Variants in BET1 observed in about 807,000 individuals in gnomAD.
BET1 encodes the protein Bet1 golgi vesicular membrane trafficking protein, also known as BET1 homolog.
In BET1, 9 loss-of-function variants were observed where a neutral mutation model predicts 13.9. That is an observed-to-expected ratio of 0.65 (90% CI 0.39 to 1.13). BET1 has a LOEUF of 1.13. Ranked by LOEUF, BET1 falls within the 50% of genes most tolerant of loss-of-function variation. BET1 has a pLI of 0.01. For missense variants in BET1, 127 were observed against 133.6 expected (o/e 0.95, Z 0.24); for synonymous variants, 39 against 47.3 (o/e 0.82, Z 0.72).
At chr7:93,977,178 G>A (rs1246362828) in intron 4 of BET1, among the ~76,000 whole-genome samples, 2 of 152,072 alleles carry the variant, frequency 1.3e-5, no homozygotes, top group Non-Finnish European at 2.9e-5. Context: ...GATGTTGGAG[G>A]GGCTGGGTAC....
intron 4 of BET1, among the ~76,000 whole-genome samples, chr7:93,980,952 T>C (rs1795417901): frequency 1.3e-5 from 2 of 152,210 alleles, no homozygotes; most frequent in African/African-American, 4.8e-5. Flanking sequence ...TCAAGTGTAA[T>C]TGGGAAAGTC....
intron 4 of BET1, among the ~76,000 whole-genome samples, chr7:93,981,647 G>A (rs1795431771): frequency 6.6e-6 from 1 of 152,164 alleles, no homozygotes; most frequent in Non-Finnish European, 1.5e-5. Context: ...GGCAATTCCT[G>A]GAATTCAAGT....
intron 4 of BET1, among the ~76,000 whole-genome samples, chr7:93,985,702 A>C (rs1388247683): frequency 3.9e-5 from 6 of 152,216 alleles, no homozygotes; most frequent in Non-Finnish European, 5.9e-5. Context: ...TCATATACTT[A>C]ATATAAATGT....
chr7:93,989,294 G>C (rs1045769303), downstream of BET1, among the ~76,000 whole-genome samples: 1 of 151,970 alleles, frequency 6.6e-6, no homozygotes, highest in Admixed American at 6.6e-5. Flanking sequence ...GATTACAGGC[G>C]TAAGCCACCG....
At chr7:93,992,692 T>G, downstream of BET1, 2 of 984,424 alleles carry the variant, frequency 2.0e-6, no homozygotes, top group South Asian at 4.7e-5. Context: ...TGAGAATTTC[T>G]GTTAATGGTA....
At chr7:93,991,687 A>AGTCATAGT (rs1427820642), downstream of BET1, 1 of 647,660 alleles carries the variant, frequency 1.5e-6, no homozygotes, top group East Asian at 1.4e-4. Flanking sequence ...ATCAGCCCAA[A>AGTCATAGT]GTCATAGTGT....
downstream of BET1, chr7:93,992,934 G>C (rs182017143): frequency 6.4e-5 from 63 of 985,324 alleles, no homozygotes; most frequent in African/African-American, 1.0e-3. Context: ...ACTCAGTTCC[G>C]GTGGTTTTAA....
intron 3 of BET1, 200 bp downstream of exon 3, chr7:93,996,065 C>T (rs1795763576): frequency 3.7e-6 from 2 of 535,780 alleles, no homozygotes; most frequent in East Asian, 3.3e-5. Context: ...ACTTGTTCCT[C>T]CCACTTACAT....
intron 1 of BET1, 132 bp downstream of exon 1, chr7:94,004,066 C>G: frequency 4.6e-6 from 6 of 1,318,532 alleles, no homozygotes; most frequent in Non-Finnish European, 6.5e-6. Flanking sequence ...CGACATGGAC[C>G]CCAAAGATCC....
At chr7:93,984,516 A>C (rs552956466) in intron 4 of BET1, among the ~76,000 whole-genome samples, 6 of 152,146 alleles carry the variant, frequency 3.9e-5, no homozygotes, top group South Asian at 2.1e-4. Context: ...CTTCTACTGA[A>C]GAAGGCCACT....
Position 93,994,142 on chromosome 7 carries a change from C to A in BET1, c.*88G>T. On this transcript the variant is annotated 3_prime_UTR_variant, in exon 4 of 4. Transcript: ENST00000222547. Reference sequence around the variant, plus strand: ...AATGGAAAATGCCACAGTATTTGAACACTAGGAATGTTTTGATGCTGATTT... The same window carrying A: ...AATGGAAAATGCCACAGTATTTGAAAACTAGGAATGTTTTGATGCTGATTT... 1 of 1,498,738 alleles carries A rather than the reference C, an allele frequency of 6.7e-7. No homozygotes were observed. The highest frequency in any genetic ancestry group is 8.9e-7 in the Non-Finnish European group (1 of 1,129,718). 92.8% of individuals were successfully genotyped at this position (1,498,738 alleles called of 1,614,324 possible).
rs577373590 is a variant in BET1, at chr7:94,003,347, A to AT, written c.19+850dup. 2.1e-3 allele frequency among the ~76,000 whole-genome samples: 313 copies of AT among 149,074 alleles called. 1 individual carries two copies. Among genetic ancestry groups the AT allele is most frequent in the South Asian group, 0.014 (67 of 4,704 alleles). On this transcript the variant is annotated intron_variant, in intron 1 of 3. Coordinates refer to ENST00000222547, the MANE Select transcript of BET1 (RefSeq NM_005868.6). The stretch of plus-strand genomic sequence containing the variant: ...ACTTTAAATATCTGACACTTTGGGG[A>AT]TTTTTTTTTTCTTTTTTCAATCTTA...
intron 4 of BET1, among the ~76,000 whole-genome samples, chr7:93,984,799 A>G (rs1795495076): frequency 6.6e-6 from 1 of 152,202 alleles, no homozygotes; most frequent in Non-Finnish European, 1.5e-5. Context: ...GGCTAAATGA[A>G]TAAATATTTC....
intron 6 of BET1, chr7:93,965,717 T>C (rs1356942147): frequency 2.6e-5 from 4 of 152,066 alleles, no homozygotes; most frequent in African/African-American, 9.7e-5. Context: ...TATGAAAGTA[T>C]AAGTAATAAA....
At chr7:94,003,983 T>C (rs1434738209) in intron 1 of BET1, among the ~76,000 whole-genome samples, 1 of 151,914 alleles carries the variant, frequency 6.6e-6, no homozygotes, top group African/African-American at 2.4e-5. Flanking sequence ...TTCTCTAGCC[T>C]ACCATCCAAA....
intron 4 of BET1, chr7:93,987,341 A>T (rs1057186946): frequency 2.6e-5 from 4 of 152,226 alleles, no homozygotes; most frequent in Non-Finnish European, 5.9e-5. Context: ...GGCTAGGTTT[A>T]TGCCTCTACA....
downstream of BET1, among the ~76,000 whole-genome samples, chr7:93,990,727 A>G (rs954086733): frequency 6.6e-6 from 1 of 152,110 alleles, no homozygotes; most frequent in Admixed American, 6.5e-5. Flanking sequence ...TAGAATACTT[A>G]TATTTATAAT....
intron 4 of BET1, among the ~76,000 whole-genome samples, chr7:93,984,577 TA>T (rs112023901): frequency 4.8e-4 from 71 of 147,346 alleles, no homozygotes; most frequent in East Asian, 5.9e-4. Context: ...TGTCGTGGGT[TA>T]AAAAAAAAAA....
chr7:93,982,277 T>C (rs1355851398), intron 4 of BET1, among the ~76,000 whole-genome samples: 1 of 152,112 alleles, frequency 6.6e-6, no homozygotes, highest in East Asian at 1.9e-4. Flanking sequence ...TTCTAGCAAA[T>C]AGAAACATAG....
Sources: gnomAD v4.1 joint callset for allele counts (sites outside exome capture counted in the v4.1 genomes callset) on GRCh38, gnomAD v4.1.1 for gene constraint, MANE v1.5 for transcripts, NCBI Gene and HGNC (gene_info 2026-07-23, HGNC 2026-07-21) for gene names.